Variants in RGS8 observed in about 807,000 individuals in gnomAD.
RGS8 encodes regulator of G protein signaling 8, also known as regulator of G-protein signaling 8.
Under a neutral mutation model 21.7 loss-of-function variants are expected in RGS8, and 8 were observed. That is an observed-to-expected ratio of 0.37 (90% CI 0.22 to 0.66). The LOEUF (loss-of-function observed/expected upper bound fraction) is 0.66, where lower values mean the gene tolerates loss of function less well. RGS8 is among the 30% of genes least tolerant of loss of function. The pLI is 0.59. For synonymous variants in RGS8, 80 were observed against 83.6 expected (o/e 0.96, Z 0.24); for missense variants, 157 against 217.9 (o/e 0.72, Z 1.76).
chr1:182,722,895 G>A, the RGS8 span, among the ~76,000 whole-genome samples: 1 of 151,950 alleles, frequency 6.6e-6, no homozygotes, highest in African/African-American at 2.4e-5. Context: ...GGAGAATGAT[G>A]TGAACCCAGG....
At chr1:182,695,338 A>T in the RGS8 span, among the ~76,000 whole-genome samples, 138 of 152,334 alleles carry the variant, frequency 9.1e-4, no homozygotes, top group African/African-American at 3.2e-3. Flanking sequence ...CGTAATAAAT[A>T]GCCACAACTC....
the RGS8 span, among the ~76,000 whole-genome samples, chr1:182,736,187 T>C: frequency 6.6e-6 from 1 of 152,214 alleles, no homozygotes; most frequent in African/African-American, 2.4e-5. Flanking sequence ...AAATATTAAA[T>C]GGTCATGCTT....
At chr1:182,681,209 G>A (rs1167933395) in intron 1 of RGS8, among the ~76,000 whole-genome samples, 1 of 152,204 alleles carries the variant, frequency 6.6e-6, no homozygotes, top group East Asian at 1.9e-4. Context: ...TGGAGAAGCA[G>A]AGGGATGTAG....
chr1:182,741,928 G>T, the RGS8 span, among the ~76,000 whole-genome samples: 1 of 145,898 alleles, frequency 6.9e-6, no homozygotes, highest in East Asian at 2.1e-4. Context: ...GGGCGGAGAC[G>T]CTCCTCACTT....
upstream of RGS8, among the ~76,000 whole-genome samples, chr1:182,677,477 T>C (rs892713835): frequency 3.3e-5 from 5 of 152,250 alleles, no homozygotes; most frequent in Non-Finnish European, 5.9e-5. Flanking sequence ...TGTTCAGCTA[T>C]TTAATAAGCT....
At chr1:182,682,035 A>G (rs1461775506) in intron 1 of RGS8, among the ~76,000 whole-genome samples, 2 of 152,228 alleles carry the variant, frequency 1.3e-5, no homozygotes, top group South Asian at 2.1e-4. Flanking sequence ...GAAGCAAGAA[A>G]GCATTTCTGA....
At chr1:182,648,301 C>T in exon 6 of RGS8, 1 of 1,612,778 alleles carries the variant, frequency 6.2e-7, no homozygotes, top group Non-Finnish European at 8.5e-7. Context: ...GCAGCCACCC[C>T]ATCTGCGGAT....
the RGS8 span, among the ~76,000 whole-genome samples, chr1:182,720,860 T>C: frequency 1.3e-5 from 2 of 148,290 alleles, no homozygotes; most frequent in Non-Finnish European, 3.0e-5. Context: ...TACATATATA[T>C]ACATATATAC....
chr1:182,700,359 C>G, the RGS8 span, among the ~76,000 whole-genome samples: 2 of 152,236 alleles, frequency 1.3e-5, no homozygotes, highest in Non-Finnish European at 1.5e-5. Context: ...CCGCGACACA[C>G]ACGCTAGTCT....
chr1:182,717,993 A>C, the RGS8 span, among the ~76,000 whole-genome samples: 10 of 152,222 alleles, frequency 6.6e-5, no homozygotes, highest in Non-Finnish European at 1.5e-4. Context: ...CAAAGGAGAG[A>C]ATACAAATGA....
At chr1:182,704,164 C>T in the RGS8 span, among the ~76,000 whole-genome samples, 3 of 152,196 alleles carry the variant, frequency 2.0e-5, no homozygotes, top group Non-Finnish European at 2.9e-5. Flanking sequence ...CTCCAATAAC[C>T]ATAACTGTAA....
downstream of RGS8, chr1:182,643,323 G>GGC (rs1553214908): frequency 3.8e-3 from 120 of 31,484 alleles, 4 homozygotes; most frequent in African/African-American, 0.014. Context: ...CCCTCCCCCA[G>GGC]CCCCCCCGCC....
chr1:182,728,999 T>G, the RGS8 span, among the ~76,000 whole-genome samples: 3 of 152,280 alleles, frequency 2.0e-5, no homozygotes, highest in Admixed American at 2.0e-4. Flanking sequence ...CCTGTACATG[T>G]AAACAATACA....
chr1:182,713,088 A>G, the RGS8 span, among the ~76,000 whole-genome samples: 2 of 152,258 alleles, frequency 1.3e-5, no homozygotes, highest in Admixed American at 6.5e-5. Flanking sequence ...GCGACCAACT[A>G]AGAATAAATC....
the RGS8 span, among the ~76,000 whole-genome samples, chr1:182,703,297 G>T: frequency 1.6e-4 from 24 of 152,288 alleles, no homozygotes; most frequent in African/African-American, 5.8e-4. Flanking sequence ...TTCCCTGGAG[G>T]CTGGGAAAAT....
chr1:182,732,303 C>CACACACACA, the RGS8 span, among the ~76,000 whole-genome samples: 8 of 95,714 alleles, frequency 8.4e-5, no homozygotes, highest in African/African-American at 3.7e-4. Flanking sequence ...ACACACACAC[C>CACACACACA]CACTGTAGCA....
At chr1:182,673,083 A>T (rs914595160), upstream of RGS8, among the ~76,000 whole-genome samples, 1 of 152,066 alleles carries the variant, frequency 6.6e-6, no homozygotes, top group Non-Finnish European at 1.5e-5. Flanking sequence ...TCTTCTCGTT[A>T]TGCTCTAGGT....
the RGS8 span, among the ~76,000 whole-genome samples, chr1:182,730,667 G>A: frequency 2.7e-5 from 4 of 149,296 alleles, no homozygotes; most frequent in Non-Finnish European, 4.4e-5. Flanking sequence ...CCAAGATCCC[G>A]CCACTGCACC....
Position 182,649,184 on chromosome 1 carries a change from A to G in RGS8, c.194-881T>C, listed in dbSNP as rs566742293. 6.4e-4 allele frequency among the ~76,000 whole-genome samples: 97 copies of G among 152,322 alleles called. 1 individual carries two copies. The highest frequency in any genetic ancestry group is 2.3e-3 in the African/African-American group (95 of 41,568). On this transcript the variant is annotated intron_variant, in intron 5 of 6. Transcript: ENST00000483095. Reference sequence around the variant, plus strand: ...ATATATTTGGGGCACAGGTGTCTCTATCCCCTGGGTCTACTGGTGAGCTAT... The same window carrying G: ...ATATATTTGGGGCACAGGTGTCTCTGTCCCCTGGGTCTACTGGTGAGCTAT...
Sources: allele counts gnomAD v4.1 joint callset (sites outside exome capture counted in the v4.1 genomes callset), GRCh38; gene constraint gnomAD v4.1.1; transcripts MANE v1.5; gene names NCBI Gene and HGNC (gene_info 2026-07-23, HGNC 2026-07-21).